Variants in MGST1 observed in about 807,000 individuals in gnomAD.
MGST1 encodes glutathione S-transferase 12.
A neutral mutation model predicts 8.9 loss-of-function variants in MGST1; 5 were observed. That is an observed-to-expected ratio of 0.56 (90% CI 0.29 to 1.19). MGST1 has a LOEUF of 1.19. Among genes scored for constraint, MGST1 ranks in the 50% most tolerant of loss-of-function variants. MGST1 has a pLI of 0.08. For missense variants in MGST1, 182 were observed against 187.4 expected (o/e 0.97, Z 0.17); for synonymous variants, 54 against 67.8 (o/e 0.80, Z 1.00).
chr12:16,512,972 G>C (rs1941586114), intron 4 of MGST1, among the ~76,000 whole-genome samples: 1 of 152,148 alleles, frequency 6.6e-6, no homozygotes, highest in Non-Finnish European at 1.5e-5. Context: ...TTAGTAACTA[G>C]ATATATCCCC....
chr12:16,484,625 T>G (rs779548547), intron 4 of MGST1, among the ~76,000 whole-genome samples: 18 of 152,160 alleles, frequency 1.2e-4, no homozygotes, highest in Non-Finnish European at 2.4e-4. Context: ...CTTATATGGC[T>G]GGAGCAGGAG....
chr12:16,400,161 A>G (rs1591717674), intron 1 of MGST1: 5 of 1,251,682 alleles, frequency 4.0e-6, no homozygotes, highest in Non-Finnish European at 5.9e-6. Context: ...GGTCATGCAT[A>G]TGTTGATGTT....
intron 4 of MGST1, among the ~76,000 whole-genome samples, chr12:16,501,421 G>A (rs1426251356): frequency 6.6e-6 from 1 of 152,178 alleles, no homozygotes; most frequent in East Asian, 1.9e-4. Flanking sequence ...GATAATGTCA[G>A]CACTTAATGT....
chr12:16,450,214 A>T (rs1941117830), intron 4 of MGST1, among the ~76,000 whole-genome samples: 1 of 151,918 alleles, frequency 6.6e-6, no homozygotes, highest in Admixed American at 6.6e-5. Context: ...AGCTGCTAAG[A>T]ACTTAATTAT....
rs3029719 is a variant in MGST1, at chr12:16,544,221, TACACACACACACACACACACAC to T, written n.483-45285_483-45264del. The stretch of plus-strand genomic sequence containing the variant: ...TTAAATTGACACCTTAAGTAAGAAC[TACACACACACACACACACACAC>T]ACACACACACACACACACACAAAAC... On this transcript the variant is annotated intron_variant and non_coding_transcript_variant, in intron 4 of 4. Coordinates refer to the MGST1 transcript ENST00000538857. The surrounding 1 kb of genome is among the most constrained non-coding windows in gnomAD (Gnocchi z 4.8). Among the ~76,000 whole-genome samples the T allele has an allele frequency of 2.2e-5, 3 of 138,794 alleles. No individual in the cohort carries two copies. Among genetic ancestry groups the T allele is most frequent in the Non-Finnish European group, 3.1e-5 (2 of 64,128 alleles). 91.1% of individuals were successfully genotyped at this position (138,794 alleles called of 152,430 possible).
chr12:16,516,386 C>G (rs960323502), intron 4 of MGST1, among the ~76,000 whole-genome samples: 1 of 152,154 alleles, frequency 6.6e-6, no homozygotes, highest in African/African-American at 2.4e-5. Context: ...ATTATGCAGT[C>G]ACCTGGCAGG....
chr12:16,399,324 T>C, intron 1 of MGST1: 1 of 1,600,206 alleles, frequency 6.2e-7, no homozygotes. Flanking sequence ...GGAACCATGG[T>C]TGGAACCACG....
intron 4 of MGST1, among the ~76,000 whole-genome samples, chr12:16,545,594 C>T (rs12425910): frequency 0.15 from 22,302 of 151,924 alleles, 1,838 homozygotes; most frequent in Admixed American, 0.22. Flanking sequence ...GCATATTTAT[C>T]CTTATGCTGA....
chr12:16,508,175 G>A (rs1479881149), intron 4 of MGST1, among the ~76,000 whole-genome samples: 1 of 152,072 alleles, frequency 6.6e-6, no homozygotes, highest in Non-Finnish European at 1.5e-5. Flanking sequence ...GAAGAGCTTC[G>A]TACTAAATAG....
chr12:16,543,070 CTG>C (rs1279036172), intron 4 of MGST1, among the ~76,000 whole-genome samples: 2 of 152,194 alleles, frequency 1.3e-5, no homozygotes, highest in Non-Finnish European at 2.9e-5. Context: ...CTGTTACCTT[CTG>C]TGTTAACAGT....
intron 4 of MGST1, among the ~76,000 whole-genome samples, chr12:16,507,223 C>T (rs1311905193): frequency 6.6e-6 from 1 of 152,058 alleles, no homozygotes; most frequent in Non-Finnish European, 1.5e-5. Context: ...AGAAAGAAGA[C>T]AACATTGGGC....
chr12:16,400,865 T>G, intron 1 of MGST1: 1 of 1,176,296 alleles, frequency 8.5e-7, no homozygotes, highest in South Asian at 1.2e-5. Context: ...ATGTGGTTCC[T>G]TAGGCATCAG....
intron 1 of MGST1, among the ~76,000 whole-genome samples, chr12:16,411,247 C>T (rs953097495): frequency 6.6e-5 from 10 of 152,126 alleles, no homozygotes; most frequent in African/African-American, 2.4e-4. Context: ...ACCGTTACAG[C>T]TAGTCCTTAA....
chr12:16,445,043 C>T (rs1178420777), intron 4 of MGST1, among the ~76,000 whole-genome samples: 2 of 151,630 alleles, frequency 1.3e-5, no homozygotes, highest in Non-Finnish European at 2.9e-5. Context: ...GAAACCGCCA[C>T]ATTCATAAAG....
At chr12:16,356,961 C>T (rs1939743004) in intron 2 of MGST1, among the ~76,000 whole-genome samples, 2 of 152,210 alleles carry the variant, frequency 1.3e-5, no homozygotes, top group African/African-American at 4.8e-5. Flanking sequence ...ATGTCAACAT[C>T]ACTGTGAAAA....
At chr12:16,398,649 T>G (rs1940626516) in intron 1 of MGST1, among the ~76,000 whole-genome samples, 1 of 152,252 alleles carries the variant, frequency 6.6e-6, no homozygotes, top group Non-Finnish European at 1.5e-5. Flanking sequence ...GGAGTATCAT[T>G]GCTTTTTGTG....
At chr12:16,411,333 G>A (rs750983467) in intron 1 of MGST1, among the ~76,000 whole-genome samples, 1 of 152,090 alleles carries the variant, frequency 6.6e-6, no homozygotes, top group African/African-American at 2.4e-5. Context: ...GTAAAGGAAC[G>A]CAATGTTGAT....
At chr12:16,554,737 C>G (rs1218398178) in intron 4 of MGST1, among the ~76,000 whole-genome samples, 2 of 152,134 alleles carry the variant, frequency 1.3e-5, no homozygotes, top group Non-Finnish European at 2.9e-5. Flanking sequence ...AGACCAGATT[C>G]GCTCCGCCTC....
chr12:16,386,758 A>G lies in MGST1; in HGVS notation n.778+3154A>G, dbSNP rs1028355245. 2.6e-5 allele frequency among the ~76,000 whole-genome samples: 4 copies of G among 152,290 alleles called. No homozygotes were observed. The East Asian group carries it at 7.7e-4, about 29-fold the overall frequency. The stretch of plus-strand genomic sequence containing the variant: ...GTTACCTATGGTCACTTGCAGTTCA[A>G]AAATATTAAATGGAAATTTCCAGAA... On this transcript the variant is annotated intron_variant and non_coding_transcript_variant, in intron 1 of 1. Transcript: ENST00000359720.
Sources: allele counts gnomAD v4.1 joint callset (sites outside exome capture counted in the v4.1 genomes callset), GRCh38; gene constraint gnomAD v4.1.1; non-coding constraint Gnocchi (gnomAD v3.1); transcripts MANE v1.5; gene names NCBI Gene and HGNC (gene_info 2026-07-23, HGNC 2026-07-21).